Variants in ATG13 observed in about 807,000 individuals in gnomAD.
The protein encoded by ATG13 is autophagy-related protein 13.
ATG13 carries 23 observed loss-of-function variants against 65.5 expected under a neutral mutation model. The ratio of observed to expected loss-of-function variants is 0.35; its 90% CI spans 0.25 to 0.50. The LOEUF is 0.50. ATG13 is among the 20% of genes least tolerant of loss of function. The pLI is 0.98. For synonymous variants in ATG13, 252 were observed against 245.2 expected, an observed-to-expected ratio of 1.03 and a Z score of -0.26; for missense variants, 566 against 677.0, an observed-to-expected ratio of 0.84 and a Z score of 1.82.
chr11:46,623,680 G>A (rs1437209913), intron 1 of ATG13, among the ~76,000 whole-genome samples: 2 of 151,956 alleles, frequency 1.3e-5, no homozygotes, highest in African/African-American at 4.8e-5. Flanking sequence ...TGCCCGCCTT[G>A]GCCTCCCAAA....
Position 46,672,600 on chromosome 11 carries a change from A to G in ATG13, c.*268A>G, listed in dbSNP as rs2064004435. 2.1e-6 allele frequency: 3 copies of G among 1,423,362 alleles called. No individual in the cohort carries two copies. Among genetic ancestry groups the G allele is most frequent in the Non-Finnish European group, 2.8e-6 (3 of 1,075,040 alleles). The allele number at this position is 1,423,362 out of a possible 1,614,324, so 88.2% of individuals were successfully genotyped here. A position where few individuals can be genotyped will look rare whatever the true frequency, so the allele number is the denominator to read the frequency against. On this transcript the variant is annotated 3_prime_UTR_variant, in exon 19 of 19. Coordinates refer to ENST00000683050, the MANE Select transcript of ATG13 (RefSeq NM_001346311.2). ...GTACGAAAAAGCCCTCAGCAGGGCC[A>G]TCTGTGTGCCCTGCCCATCACCAAC...
chr11:46,624,123 G>A (rs1223223131), intron 1 of ATG13, among the ~76,000 whole-genome samples: 1 of 151,694 alleles, frequency 6.6e-6, no homozygotes, highest in Non-Finnish European at 1.5e-5. Context: ...TCCTGCCTCA[G>A]CCTCCTGAGT....
chr11:46,673,312 G>C lies in ATG13; in HGVS notation c.*980G>C, dbSNP rs1375068715. On this transcript the variant is annotated 3_prime_UTR_variant, in exon 19 of 19. Coordinates refer to ENST00000683050, the MANE Select transcript of ATG13 (RefSeq NM_001346311.2). ...ACAGACAGCGAGATCCAAGAAGAGG[G>C]CTGGCCGGGGGCAAAGTCACCTCCC... is the stretch of plus-strand genomic sequence containing the variant. 6.5e-6 allele frequency: 1 copy of C among 152,908 alleles called. No homozygotes were observed. The allele number at this position is 152,908 out of a possible 1,614,324, so 9.5% of individuals were successfully genotyped here.
At chr11:46,658,667 C>T (rs1242026968) in intron 10 of ATG13, among the ~76,000 whole-genome samples, 2 of 151,880 alleles carry the variant, frequency 1.3e-5, no homozygotes, top group African/African-American at 4.8e-5. Context: ...TCCCGAGTAG[C>T]TGGGGTTACA....
At chr11:46,652,857 T>G (rs1044028834) in intron 7 of ATG13, among the ~76,000 whole-genome samples, 2 of 152,194 alleles carry the variant, frequency 1.3e-5, no homozygotes, top group African/African-American at 2.4e-5. Context: ...TTACCAACAC[T>G]TTATTAACAT....
intron 9 of ATG13, 107 bp from the exon 10 acceptor site, chr11:46,657,417 C>A: frequency 1.7e-6 from 2 of 1,144,058 alleles, no homozygotes; most frequent in Non-Finnish European, 2.6e-6. Context: ...ATAGTTAAAG[C>A]TCTGGTAGTG....
Position 46,634,319 on chromosome 11 carries a change from C to T in ATG13, c.-14+4219C>T, listed in dbSNP as rs1045576494. On this transcript the variant is annotated intron_variant, in intron 2 of 18. Transcript: ENST00000683050. ...TTCACCATGTTGGCCAGGATGGTCG[C>T]GATCTCCTGATCTTGTGATCCACCG... Among the ~76,000 whole-genome samples the T allele has an allele frequency of 3.3e-5, 5 of 151,902 alleles. No individual in the cohort carries two copies. The South Asian group carries it at 8.3e-4, about 25-fold the overall frequency.
intron 14 of ATG13, among the ~76,000 whole-genome samples, chr11:46,666,373 TG>T (rs1315877547): frequency 5.3e-5 from 8 of 152,218 alleles, no homozygotes; most frequent in Non-Finnish European, 1.0e-4. Context: ...CCCTGAAGTC[TG>T]GGCCACAGTA....
At chr11:46,648,967 A>G (rs1026758816) in intron 5 of ATG13, 170 bp from the exon 6 acceptor site, 8 of 504,206 alleles carry the variant, frequency 1.6e-5, no homozygotes, top group Admixed American at 1.1e-4. Context: ...TCAAAATAGC[A>G]TATAGACTGT....
In ATG13 at chr11:46,668,918, G is replaced by A. The variant is rs575219575; in HGVS notation, c.1446+8G>A. 100 of 1,600,698 alleles carry A rather than the reference G, an allele frequency of 6.2e-5. No individual in the cohort carries two copies. The South Asian group carries it at 6.7e-4, about 11-fold the overall frequency. ...TTTGTTATGATAGACTTTGTAAGTC[G>A]CCGTCACCTTCCTTGACCTTTGCTG... On this transcript the variant is annotated splice_region_variant and intron_variant, in intron 17 of 18. Coordinates refer to ENST00000683050, the MANE Select transcript of ATG13 (RefSeq NM_001346311.2).
In ATG13 at chr11:46,670,688, G is replaced by A. The variant is rs78291260; in HGVS notation, c.1575+1156G>A. Among the ~76,000 whole-genome samples the A allele has an allele frequency of 8.6e-3, 1,307 of 152,030 alleles. 9 individuals are homozygous for A. Among genetic ancestry groups the A allele is most frequent in the African/African-American group, 0.03 (1,259 of 41,458 alleles). On this transcript the variant is annotated intron_variant, in intron 18 of 18. Coordinates refer to ENST00000683050, the MANE Select transcript of ATG13 (RefSeq NM_001346311.2). The stretch of plus-strand genomic sequence containing the variant: ...CTGGGCGTGGTGGCATCCGTCTGTA[G>A]TTCCAGCTGCCTTGGGAGGTGGAGG...
chr11:46,640,219 A>G (rs1471740371), intron 2 of ATG13, among the ~76,000 whole-genome samples: 2 of 152,172 alleles, frequency 1.3e-5, no homozygotes, highest in African/African-American at 4.8e-5. Flanking sequence ...TAGGGATGCA[A>G]ATGGTTACAA....
At chr11:46,637,079 A>T (rs2054235134) in intron 2 of ATG13, among the ~76,000 whole-genome samples, 1 of 152,322 alleles carries the variant, frequency 6.6e-6, no homozygotes, top group Middle Eastern at 3.4e-3. Flanking sequence ...TTTCCTAAGG[A>T]TAAGGGGTAT....
At chr11:46,664,119 G>A (rs776974849) in intron 12 of ATG13, 24 bp downstream of exon 12, 1 of 1,486,866 alleles carries the variant, frequency 6.7e-7, no homozygotes, top group Admixed American at 1.9e-5. Context: ...GGGAAGAAGG[G>A]GATATAATCA....
rs1555105175 is a variant in ATG13 at position 46,654,283 on chromosome 11, T to TATATATATA, written c.459-1950_459-1949insATATATATA. ...CCTCATCACTACTATTTTTAAAATTTTATATATATATATATATATATATAT... is the reference window on the plus strand; with the variant it reads ...CCTCATCACTACTATTTTTAAAATTTATATATATATATATATATATATATATATATATAT... On this transcript the variant is annotated intron_variant, in intron 7 of 18. Coordinates refer to ENST00000683050, the MANE Select transcript of ATG13 (RefSeq NM_001346311.2). Among the ~76,000 whole-genome samples the TATATATATA allele has an allele frequency of 3.2e-3, 391 of 122,290 alleles. 4 individuals are homozygous for TATATATATA. The highest frequency in any genetic ancestry group is 0.012 in the Middle Eastern group (3 of 242). 80.2% of individuals were successfully genotyped at this position (122,290 alleles called of 152,430 possible).
At chr11:46,672,081 G>A (rs1404271080) in intron 18 of ATG13, among the ~76,000 whole-genome samples, 174 bp from the exon 19 acceptor site, 1 of 152,216 alleles carries the variant, frequency 6.6e-6, no homozygotes, top group African/African-American at 2.4e-5. Context: ...AAGCCCTGAT[G>A]CATATACCCC....
Position 46,672,839 on chromosome 11 carries a change from C to A in ATG13, c.*507C>A. ...TTAGCTCTCTTCATTGTCCCCTTTA[C>A]TTCCTGCTATCTTCTTCTCCTCTTC... On this transcript the variant is annotated 3_prime_UTR_variant, in exon 19 of 19. Coordinates refer to ENST00000683050, the MANE Select transcript of ATG13 (RefSeq NM_001346311.2). 1 of 1,220,194 alleles carries A rather than the reference C, an allele frequency of 8.2e-7. No individual in the cohort carries two copies. Among genetic ancestry groups the A allele is most frequent in the Admixed American group, 2.8e-5 (1 of 36,166 alleles). The allele number at this position is 1,220,194 out of a possible 1,614,324, so 75.6% of individuals were successfully genotyped here.
At chr11:46,645,772 T>C (rs1591817059) in intron 4 of ATG13, 98 bp from the exon 5 acceptor site, 1 of 1,500,586 alleles carries the variant, frequency 6.7e-7, no homozygotes, top group Non-Finnish European at 9.1e-7. Context: ...TCTTCCTTAA[T>C]CAGCCACAGC....
intron 11 of ATG13, among the ~76,000 whole-genome samples, chr11:46,663,446 C>T (rs2061605321): frequency 6.6e-6 from 1 of 152,106 alleles, no homozygotes; most frequent in Admixed American, 6.6e-5. Flanking sequence ...CACCCCTGCA[C>T]ACCCACTTGT....
Sources: allele counts gnomAD v4.1 joint callset (sites outside exome capture counted in the v4.1 genomes callset), GRCh38; gene constraint gnomAD v4.1.1; transcripts MANE v1.5; gene names NCBI Gene and HGNC (gene_info 2026-07-23, HGNC 2026-07-21).